DAB1: variants seen among roughly 807,000 people sequenced by gnomAD.
The protein encoded by DAB1 is DAB adaptor protein 1.
In DAB1, 15 loss-of-function variants were observed where a neutral mutation model predicts 64.6. The observed-to-expected ratio is 0.23, with a 90% confidence interval of 0.16 to 0.36. The LOEUF is 0.36. Among genes scored for constraint, DAB1 ranks in the 10% least tolerant of loss-of-function variants. The pLI is 1.00. For synonymous variants in DAB1, 235 were observed against 251.9 expected (o/e 0.93, Z 0.64); for missense variants, 596 against 706.7 (o/e 0.84, Z 1.78).
chr1:57,553,505 G>GAAGGAGGGAAGGAAGA (rs57000232), intron 7 of DAB1, among the ~76,000 whole-genome samples: 1 of 120,396 alleles, frequency 8.3e-6, no homozygotes, highest in Non-Finnish European at 1.7e-5. Flanking sequence ...AGGAAGGAAG[G>GAAGGAGGGAAGGAAGA]AAGAGAGAGA....
chr1:58,366,080 A>G (rs1644213901), intron 3 of DAB1, among the ~76,000 whole-genome samples: 1 of 152,190 alleles, frequency 6.6e-6, no homozygotes, highest in South Asian at 2.1e-4. Flanking sequence ...TGAGCTCCCA[A>G]TACAGTACTA....
intron 1 of DAB1, among the ~76,000 whole-genome samples, chr1:57,835,072 A>G (rs529453586): frequency 1.3e-5 from 2 of 152,352 alleles, no homozygotes; most frequent in East Asian, 3.9e-4. Flanking sequence ...TGGCATGTGC[A>G]AAAAGCACCT....
chr1:57,079,096 A>G (rs1191802353), intron 4 of DAB1, among the ~76,000 whole-genome samples: 1 of 152,178 alleles, frequency 6.6e-6, no homozygotes, highest in Admixed American at 6.5e-5. Context: ...ACTATGTTCA[A>G]TATGATCCTG....
intron 3 of DAB1, among the ~76,000 whole-genome samples, chr1:58,403,917 C>T (rs1230884758): frequency 6.6e-6 from 1 of 152,210 alleles, no homozygotes; most frequent in Non-Finnish European, 1.5e-5. Flanking sequence ...TTGCTACTCA[C>T]AAGCTGTGAA....
At chr1:57,520,996 C>G (rs568972349) in intron 7 of DAB1, among the ~76,000 whole-genome samples, 1 of 152,202 alleles carries the variant, frequency 6.6e-6, no homozygotes, top group East Asian at 1.9e-4. Context: ...CATTTAGTAG[C>G]TATGTGTTGC....
chr1:57,729,013 T>C (rs1293927368), intron 6 of DAB1, among the ~76,000 whole-genome samples: 3 of 152,362 alleles, frequency 2.0e-5, no homozygotes, highest in East Asian at 1.9e-4. Flanking sequence ...AGTGTTCTCA[T>C]TGCAGATAAT....
At chr1:58,225,506 T>C (rs1182160901) in intron 4 of DAB1, among the ~76,000 whole-genome samples, 2 of 151,846 alleles carry the variant, frequency 1.3e-5, no homozygotes, top group East Asian at 1.9e-4. Context: ...TAAAGACACA[T>C]GCACACGTAT....
chr1:57,178,644 G>A (rs1662589195), intron 2 of DAB1, among the ~76,000 whole-genome samples: 1 of 152,144 alleles, frequency 6.6e-6, no homozygotes, highest in African/African-American at 2.4e-5. Context: ...AATTATGATT[G>A]GGAAGAGACA....
intron 5 of DAB1, among the ~76,000 whole-genome samples, chr1:57,918,474 C>T (rs1028804964): frequency 6.6e-6 from 1 of 152,094 alleles, no homozygotes; most frequent in African/African-American, 2.4e-5. Flanking sequence ...AACCCACTCT[C>T]ATAGGAACTA....
At chr1:57,553,166 G>T (rs1644934262) in intron 7 of DAB1, among the ~76,000 whole-genome samples, 1 of 151,678 alleles carries the variant, frequency 6.6e-6, no homozygotes, top group African/African-American at 2.4e-5. Flanking sequence ...GATTTATCTG[G>T]GGTTGTCCAG....
chr1:58,032,762 T>C lies in DAB1; in HGVS notation n.387+117749A>G, dbSNP rs538571225. Among the ~76,000 whole-genome samples the C allele has an allele frequency of 3.3e-4, 51 of 152,344 alleles. 1 individual carries two copies. Among genetic ancestry groups the C allele is most frequent in the South Asian group, 1.9e-3 (9 of 4,832 alleles). On this transcript the variant is annotated intron_variant and non_coding_transcript_variant, in intron 5 of 20. Coordinates refer to the DAB1 transcript ENST00000485760. ...ATGCCTAGCTAAAAAGTTATCTTTG[T>C]GTCCACACTACCTTCAGGGTGAAAT...
At chr1:58,035,220 C>G (rs903348036) in intron 5 of DAB1, among the ~76,000 whole-genome samples, 1 of 152,188 alleles carries the variant, frequency 6.6e-6, no homozygotes, top group Non-Finnish European at 1.5e-5. Flanking sequence ...CAGCACCAGC[C>G]AAGTGAAAGA....
intron 6 of DAB1, among the ~76,000 whole-genome samples, chr1:57,653,474 A>G (rs1377635425): frequency 4.6e-5 from 7 of 152,260 alleles, no homozygotes; most frequent in South Asian, 4.1e-4. Flanking sequence ...TCCATATTTG[A>G]TGCATATTTG....
At chr1:58,518,276 A>AGG (rs1196538416) in intron 2 of DAB1, among the ~76,000 whole-genome samples, 83 of 6,854 alleles carry the variant, frequency 0.012, 24 homozygotes, top group African/African-American at 0.018. Context: ...GAGAGAGGAG[A>AGG]GGAGAAGAGA....
At chr1:57,193,250 C>G (rs1664298971) in intron 2 of DAB1, among the ~76,000 whole-genome samples, 2 of 152,234 alleles carry the variant, frequency 1.3e-5, no homozygotes, top group Admixed American at 6.5e-5. Context: ...TGGTAACCAC[C>G]ACTCTGCTCT....
chr1:57,475,784 A>G (rs1044635161), intron 7 of DAB1, among the ~76,000 whole-genome samples: 4 of 152,210 alleles, frequency 2.6e-5, no homozygotes, highest in African/African-American at 9.7e-5. Flanking sequence ...CCTCCATTAT[A>G]GACTGTGAGC....
intron 4 of DAB1, among the ~76,000 whole-genome samples, chr1:57,089,126 T>C (rs949789437): frequency 6.6e-6 from 1 of 152,252 alleles, no homozygotes; most frequent in African/African-American, 2.4e-5. Context: ...ATGAGAATTA[T>C]ATGAAATTAC....
intron 4 of DAB1, among the ~76,000 whole-genome samples, chr1:58,182,189 T>A (rs909893223): frequency 6.6e-6 from 1 of 152,062 alleles, no homozygotes; most frequent in Non-Finnish European, 1.5e-5. Context: ...AGTGTTTTTT[T>A]ACTTCTTGCT....
chr1:57,518,484 T>C (rs1008095330), intron 7 of DAB1, among the ~76,000 whole-genome samples: 3 of 152,322 alleles, frequency 2.0e-5, no homozygotes, highest in Non-Finnish European at 4.4e-5. Context: ...AGATACTCTT[T>C]CCCACATTAT....
Sources: gnomAD v4.1 joint callset for allele counts (sites outside exome capture counted in the v4.1 genomes callset) on GRCh38, gnomAD v4.1.1 for gene constraint, MANE v1.5 for transcripts, NCBI Gene and HGNC (gene_info 2026-07-23, HGNC 2026-07-21) for gene names.